The following PPP2R2B variants were observed in gnomAD, a reference collection of about 807,000 sequenced individuals.
The protein encoded by PPP2R2B is serine/threonine-protein phosphatase 2A 55 kDa regulatory subunit B beta isoform.
PPP2R2B carries 5 observed loss-of-function variants against 46.0 expected under a neutral mutation model. The ratio of observed to expected loss-of-function variants is 0.11; its 90% confidence interval spans 0.06 to 0.23. The LOEUF is 0.23. Among genes scored for constraint, PPP2R2B ranks in the 10% least tolerant of loss-of-function variants. The pLI is 1.00. For synonymous variants in PPP2R2B, 215 were observed against 206.7 expected, an observed-to-expected ratio of 1.04 and a Z score of -0.34; for missense variants, 367 against 575.0, an observed-to-expected ratio of 0.64 and a Z score of 3.70.
At chr5:146,672,589 C>T (rs1296615729) in intron 5 of PPP2R2B, among the ~76,000 whole-genome samples, 2 of 152,070 alleles carry the variant, frequency 1.3e-5, no homozygotes, top group Admixed American at 6.6e-5. Context: ...CATTATCTAT[C>T]CCAACACAGA....
chr5:146,646,312 T>C (rs1348699978), intron 6 of PPP2R2B, among the ~76,000 whole-genome samples: 1 of 152,070 alleles, frequency 6.6e-6, no homozygotes, highest in Non-Finnish European at 1.5e-5. Flanking sequence ...GCAAAAAGAG[T>C]TCAAAGGATT....
intron 2 of PPP2R2B, among the ~76,000 whole-genome samples, chr5:146,866,793 C>T (rs534770431): frequency 2.0e-5 from 3 of 152,220 alleles, no homozygotes; most frequent in Non-Finnish European, 2.9e-5. Context: ...TATAGTGGCT[C>T]TTCCTCATGA....
upstream of PPP2R2B, among the ~76,000 whole-genome samples, chr5:146,880,511 G>T (rs1762131564): frequency 6.6e-6 from 1 of 152,118 alleles, no homozygotes. Flanking sequence ...GTGGGGAAAA[G>T]CTAAGTTCAT....
At chr5:147,048,729 T>G (rs1317263237) in intron 1 of PPP2R2B, among the ~76,000 whole-genome samples, 4 of 152,064 alleles carry the variant, frequency 2.6e-5, no homozygotes, top group Non-Finnish European at 5.9e-5. Context: ...TAATTACGAG[T>G]GCTGAGATTG....
intron 1 of PPP2R2B, among the ~76,000 whole-genome samples, chr5:147,016,635 G>C (rs1438679059): frequency 3.0e-5 from 1 of 33,116 alleles, no homozygotes; most frequent in Non-Finnish European, 6.5e-5. Flanking sequence ...GGTGCTATGG[G>C]AACACAAAGG....
At chr5:146,939,855 CTTAAT>C (rs1399629205) in intron 1 of PPP2R2B, among the ~76,000 whole-genome samples, 1 of 152,036 alleles carries the variant, frequency 6.6e-6, no homozygotes, top group Non-Finnish European at 1.5e-5. Flanking sequence ...CTAACTGTTC[CTTAAT>C]TTAAAGCTCA....
intron 1 of PPP2R2B, among the ~76,000 whole-genome samples, chr5:146,902,658 A>G (rs1377294373): frequency 2.0e-5 from 3 of 152,148 alleles, no homozygotes; most frequent in Non-Finnish European, 4.4e-5. Context: ...TTGACAGACT[A>G]ATTGTCCCCA....
chr5:146,848,590 C>T (rs1760149943), intron 2 of PPP2R2B, among the ~76,000 whole-genome samples: 1 of 152,046 alleles, frequency 6.6e-6, no homozygotes, highest in African/African-American at 2.4e-5. Context: ...CCATTTCCAT[C>T]CTATCACATC....
rs1015192458 is a variant in PPP2R2B, at chr5:146,583,511, C to T, written c.*6436G>A. 10 of 151,984 alleles carry T rather than the reference C, an allele frequency of 6.6e-5. No individual in the cohort carries two copies. The highest frequency in any genetic ancestry group is 1.5e-4 in the Non-Finnish European group (10 of 68,010). The allele number at this position is 151,984 out of a possible 1,614,324, so 9.4% of individuals were successfully genotyped here. ...TACATGGTGGAGCTCAGATTTTAAC[C>T]CAGGCAGGCAGGCTGGCAGGCTCGG... On this transcript the variant is annotated 3_prime_UTR_variant, in exon 10 of 10. Coordinates refer to ENST00000394411, the MANE Select transcript of PPP2R2B (RefSeq NM_181675.4).
chr5:146,894,012 C>A (rs952789778), intron 1 of PPP2R2B, among the ~76,000 whole-genome samples: 1 of 152,118 alleles, frequency 6.6e-6, no homozygotes, highest in African/African-American at 2.4e-5. Flanking sequence ...CGCTGCTACA[C>A]TCCAGCCTGG....
intron 2 of PPP2R2B, among the ~76,000 whole-genome samples, chr5:146,750,363 TA>T (rs770845329): frequency 3.9e-5 from 6 of 152,238 alleles, no homozygotes; most frequent in Non-Finnish European, 8.8e-5. Context: ...GCAATCACAT[TA>T]AACCTATATA....
At chr5:146,816,467 G>A (rs942248312) in intron 2 of PPP2R2B, among the ~76,000 whole-genome samples, 1 of 152,060 alleles carries the variant, frequency 6.6e-6, no homozygotes, top group African/African-American at 2.4e-5. Context: ...AGTAAATTTT[G>A]GTCATCTTCT....
intron 1 of PPP2R2B, among the ~76,000 whole-genome samples, chr5:146,976,669 A>G (rs150150420): frequency 3.5e-4 from 54 of 152,276 alleles, no homozygotes; most frequent in African/African-American, 1.3e-3. Context: ...GTTCTATTCT[A>G]TTCCATTGAG....
intron 1 of PPP2R2B, among the ~76,000 whole-genome samples, chr5:147,022,688 CA>C (rs1252628958): frequency 6.6e-6 from 1 of 151,708 alleles, no homozygotes; most frequent in African/African-American, 2.4e-5. Flanking sequence ...AAACCAATTA[CA>C]AAGATAAAAA....
intron 2 of PPP2R2B, among the ~76,000 whole-genome samples, chr5:146,872,864 C>T (rs1047873118): frequency 7.2e-5 from 11 of 152,246 alleles, no homozygotes; most frequent in African/African-American, 2.7e-4. Context: ...CCAAGATCCA[C>T]TTCCTTGTAC....
intron 1 of PPP2R2B, among the ~76,000 whole-genome samples, chr5:146,998,010 G>A (rs1184741769): frequency 6.6e-6 from 1 of 152,190 alleles, no homozygotes; most frequent in Non-Finnish European, 1.5e-5. Flanking sequence ...GGGAAACAAA[G>A]AGGGGTCATA....
intron 1 of PPP2R2B, among the ~76,000 whole-genome samples, chr5:146,926,999 C>T (rs1763802666): frequency 6.6e-6 from 1 of 152,164 alleles, no homozygotes. Flanking sequence ...CTGGTTGAGT[C>T]TCCTTCAACA....
intron 1 of PPP2R2B, among the ~76,000 whole-genome samples, chr5:147,007,604 C>T (rs1040043758): frequency 4.6e-5 from 7 of 152,174 alleles, no homozygotes; most frequent in Non-Finnish European, 8.8e-5. Flanking sequence ...TTGCTCTTCA[C>T]AATAAATCTT....
chr5:147,062,052 A>C (rs1333981288), intron 2 of PPP2R2B, among the ~76,000 whole-genome samples: 1 of 152,244 alleles, frequency 6.6e-6, no homozygotes, highest in Non-Finnish European at 1.5e-5. Flanking sequence ...ATGACATTTC[A>C]GTCAACTGTG....
Sources: allele counts gnomAD v4.1 joint callset (sites outside exome capture counted in the v4.1 genomes callset), GRCh38; gene constraint gnomAD v4.1.1; transcripts MANE v1.5; gene names NCBI Gene and HGNC (gene_info 2026-07-23, HGNC 2026-07-21).